POLR3E: variants seen among roughly 807,000 people sequenced by gnomAD.
POLR3E encodes the protein RNA polymerase III subunit E.
In POLR3E, 41 loss-of-function variants were observed where a neutral mutation model predicts 96.6. The observed-to-expected ratio is 0.42, with a 90% confidence interval of 0.33 to 0.55. The LOEUF (loss-of-function observed/expected upper bound fraction) is 0.55, where lower values mean the gene tolerates loss of function less well. Among genes scored for constraint, POLR3E ranks in the 20% least tolerant of loss-of-function variants. POLR3E has a pLI of 0.06. For missense variants in POLR3E, 849 were observed against 952.1 expected (o/e 0.89, Z 1.43); for synonymous variants, 396 against 383.6 (o/e 1.03, Z -0.38).
chr16:22,299,759 A>T (rs1279902474), intron 1 of POLR3E, among the ~76,000 whole-genome samples: 1 of 151,862 alleles, frequency 6.6e-6, no homozygotes, highest in African/African-American at 2.4e-5. Context: ...GTGACCCAGG[A>T]TGGAGCGCAG....
intron 4 of POLR3E, 61 bp downstream of exon 4, chr16:22,308,286 G>A: frequency 3.1e-6 from 4 of 1,300,784 alleles, no homozygotes; most frequent in Non-Finnish European, 2.2e-6. Flanking sequence ...GTGGGAGCTG[G>A]TGGAGGCGAG....
intron 1 of POLR3E, among the ~76,000 whole-genome samples, chr16:22,300,965 A>G (rs564056311): frequency 6.6e-6 from 1 of 152,074 alleles, no homozygotes; most frequent in South Asian, 2.1e-4. Context: ...GGCAATAGAG[A>G]TGGGCACAGA....
intron 2 of POLR3E, among the ~76,000 whole-genome samples, chr16:22,304,204 A>G (rs1234966387): frequency 1.3e-5 from 2 of 152,182 alleles, no homozygotes; most frequent in Non-Finnish European, 2.9e-5. Context: ...GGCAAAAGGC[A>G]AAAAGTAACT....
chr16:22,314,187 C>A, intron 8 of POLR3E, 59 bp downstream of exon 8: 1 of 1,372,274 alleles, frequency 7.3e-7, no homozygotes, highest in South Asian at 1.2e-5. Context: ...GACCAGAGAC[C>A]AAGGGGTAGC....
At chr16:22,314,414 G>T (rs922755614) in intron 8 of POLR3E, among the ~76,000 whole-genome samples, 3 of 152,196 alleles carry the variant, frequency 2.0e-5, no homozygotes, top group African/African-American at 7.2e-5. Context: ...GCTCTGCCAT[G>T]AACCTGTATC....
chr16:22,316,882 G>A, intron 10 of POLR3E, 113 bp from the exon 11 acceptor site: 3 of 1,171,970 alleles, frequency 2.6e-6, no homozygotes, highest in Non-Finnish European at 3.8e-6. Context: ...GCTGCTGGGG[G>A]AGGGCGGGGG....
chr16:22,317,178 C>T lies in POLR3E; in HGVS notation c.837C>T (p.Ala279=), dbSNP rs139116933. The T allele has an allele frequency of 9.9e-6, 16 of 1,613,406 alleles. No homozygotes were observed. Among genetic ancestry groups the T allele is most frequent in the Admixed American group, 3.3e-5 (2 of 60,008 alleles). The change falls in exon 12 of 21, where the codon GCC becomes GCT. Residue 279 remains alanine, a synonymous_variant. Coordinates refer to ENST00000299853, the MANE Select transcript of POLR3E (RefSeq NM_018119.4). ...CCCAGCTGCGCACGCTGCCCCTGGC[C>T]GATCAGATCAAGATCCTGATGAAGA... The part of the protein sequence containing the change: ...SMAQLRTLPL[A]DQIKILMKNV...
chr16:22,303,139 C>A, intron 2 of POLR3E, 135 bp downstream of exon 2: 2 of 836,040 alleles, frequency 2.4e-6, no homozygotes, highest in South Asian at 2.8e-5. Flanking sequence ...TCTGCCTGGT[C>A]CCCTCTGCTG....
chr16:22,315,560 C>T (rs183299052), intron 9 of POLR3E, among the ~76,000 whole-genome samples: 3 of 152,312 alleles, frequency 2.0e-5, no homozygotes, highest in East Asian at 3.9e-4. Context: ...CCTAGAGGGT[C>T]GGTCATGTGT....
intron 8 of POLR3E, 83 bp from the exon 9 acceptor site, chr16:22,315,006 C>G: frequency 6.8e-6 from 10 of 1,475,500 alleles, no homozygotes; most frequent in East Asian, 4.6e-5. Context: ...ACGGAGTTCT[C>G]TGGTCTTCTG....
rs199799201 is a variant in POLR3E, at chr16:22,322,886, C to T, written c.1023C>T (p.His341=). 1.5e-5 allele frequency: 25 copies of T among 1,613,546 alleles called. No homozygotes were observed. The East Asian group carries it at 4.0e-4, about 26-fold the overall frequency. The part of the protein sequence containing the change: ...ILYPKDSSSP[H]SGVPAEVLCR... The stretch of plus-strand genomic sequence containing the variant: ...ACCCCAAGGACTCGTCCAGCCCTCA[C>T]AGCGGCGTGCCTGCTGAGGTGCTCT... The change falls in exon 14 of 21, where the codon CAC becomes CAT. Residue 341 remains histidine (H), a synonymous_variant. Coordinates refer to ENST00000299853, the MANE Select transcript of POLR3E (RefSeq NM_018119.4). This position sits in a 1 kb window ranked among gnomAD's most constrained non-coding sequence, Gnocchi z 5.2.
In POLR3E at chr16:22,328,513, C is replaced by T; in HGVS notation, c.1870C>T (p.Pro624Ser). ...AGCKQILVPF[P>S]PQTAASPDEQ... ...CTCACCCCTGGGCCTTGGTCAGTTT[C>T]CCCCCCAGACTGCTGCTTCCCCGGA... Residue 624 changes from proline to serine, a missense_variant, in exon 19 of 21, where the codon CCC (proline) becomes TCC (serine). Coordinates refer to ENST00000299853, the MANE Select transcript of POLR3E (RefSeq NM_018119.4). The T allele has an allele frequency of 6.2e-7, 1 of 1,610,496 alleles. No homozygotes were observed.
At chr16:22,300,508 A>G (rs1376181038) in intron 1 of POLR3E, among the ~76,000 whole-genome samples, 5 of 152,220 alleles carry the variant, frequency 3.3e-5, no homozygotes, top group East Asian at 3.8e-4. Context: ...AGAAAGAACA[A>G]TTGCGTCTTG....
At chr16:22,304,401 CA>C (rs1476144315) in intron 2 of POLR3E, among the ~76,000 whole-genome samples, 8 of 152,138 alleles carry the variant, frequency 5.3e-5, no homozygotes, top group African/African-American at 1.9e-4. Flanking sequence ...GGAGTTACAA[CA>C]GGGGGGTTGG....
At chr16:22,309,090 G>A in intron 5 of POLR3E, 50 bp downstream of exon 5, 1 of 1,282,284 alleles carries the variant, frequency 7.8e-7, no homozygotes, top group South Asian at 1.2e-5. Context: ...TCACACAGGA[G>A]CCTCCAAAAG....
intron 5 of POLR3E, 44 bp from the exon 6 acceptor site, chr16:22,309,384 C>A (rs772282100): frequency 7.0e-7 from 1 of 1,431,530 alleles, no homozygotes. Context: ...GGCCCTGGCT[C>A]GGAGCTGCCT....
chr16:22,322,420 C>G lies in POLR3E; in HGVS notation c.987-430C>G, dbSNP rs1340150737. Among the ~76,000 whole-genome samples the G allele has an allele frequency of 6.6e-6, 1 of 152,160 alleles. No individual in the cohort carries two copies. The highest frequency in any genetic ancestry group is 1.5e-5 in the Non-Finnish European group (1 of 68,032). ...CCCCTGCCTCTGACCTCGGTTCATG[C>G]CCACCTGCCCCTTTCAGCAGGTGGC... On this transcript the variant is annotated intron_variant, in intron 13 of 20. Transcript: ENST00000299853. The surrounding 1 kb of genome is among the most constrained non-coding windows in gnomAD (Gnocchi z 5.2).
intron 13 of POLR3E, among the ~76,000 whole-genome samples, chr16:22,319,390 G>A (rs1300716135): frequency 2.6e-5 from 4 of 150,982 alleles, no homozygotes; most frequent in Non-Finnish European, 5.9e-5. Context: ...CATTTAAACT[G>A]TTTTTTGTTT....
intron 1 of POLR3E, among the ~76,000 whole-genome samples, chr16:22,297,840 C>T (rs1845098878): frequency 1.3e-5 from 2 of 152,252 alleles, no homozygotes; most frequent in Admixed American, 6.5e-5. Flanking sequence ...GAAGAAACAC[C>T]TGTCCGCGCG....
Sources: allele counts gnomAD v4.1 joint callset (sites outside exome capture counted in the v4.1 genomes callset), GRCh38; gene constraint gnomAD v4.1.1; non-coding constraint Gnocchi (gnomAD v3.1); transcripts MANE v1.5; gene names NCBI Gene and HGNC (gene_info 2026-07-23, HGNC 2026-07-21).